Variants in GALNTL6 observed in about 807,000 individuals in gnomAD.
The protein encoded by GALNTL6 is polypeptide N-acetylgalactosaminyltransferase-like 6.
A neutral mutation model predicts 73.7 loss-of-function variants in GALNTL6; 46 were observed. The observed-to-expected ratio is 0.62, with a 90% CI of 0.49 to 0.80. GALNTL6 has a LOEUF of 0.80. GALNTL6 is among the 30% of genes least tolerant of loss of function. The pLI is 0.00. For missense variants in GALNTL6, 604 were observed against 755.0 expected, an observed-to-expected ratio of 0.80 and a Z score of 2.34; for synonymous variants, 259 against 263.7, an observed-to-expected ratio of 0.98 and a Z score of 0.17.
intron 5 of GALNTL6, among the ~76,000 whole-genome samples, chr4:172,714,766 A>T (rs1734959716): frequency 6.6e-6 from 1 of 152,062 alleles, no homozygotes; most frequent in African/African-American, 2.4e-5. Context: ...AATTGAGAGG[A>T]GTGTGGGGAA....
intron 2 of GALNTL6, among the ~76,000 whole-genome samples, chr4:172,012,458 G>T (rs1056320794): frequency 7.2e-5 from 11 of 152,062 alleles, no homozygotes; most frequent in Admixed American, 2.0e-4. Flanking sequence ...CTAATTTTCT[G>T]TGATGTTTTT....
intron 5 of GALNTL6, among the ~76,000 whole-genome samples, chr4:172,421,490 A>G (rs1018536305): frequency 1.3e-5 from 2 of 151,932 alleles, no homozygotes; most frequent in Non-Finnish European, 2.9e-5. Flanking sequence ...CTAAGAGAGA[A>G]AAATAAGGGA....
intron 5 of GALNTL6, among the ~76,000 whole-genome samples, chr4:172,392,483 A>G (rs1743700165): frequency 6.7e-6 from 1 of 149,654 alleles, no homozygotes; most frequent in Admixed American, 6.6e-5. Flanking sequence ...TTTTTAATAT[A>G]GAGCAGTCTC....
intron 5 of GALNTL6, among the ~76,000 whole-genome samples, chr4:172,808,962 C>T (rs1038215164): frequency 6.6e-6 from 1 of 152,182 alleles, no homozygotes; most frequent in African/African-American, 2.4e-5. Flanking sequence ...ACACAAAATA[C>T]TAGGCAAAGC....
intron 2 of GALNTL6, among the ~76,000 whole-genome samples, chr4:171,907,994 TCAAGATG>T (rs1214506210): frequency 6.6e-6 from 1 of 151,912 alleles, no homozygotes; most frequent in Non-Finnish European, 1.5e-5. Flanking sequence ...AAAAATTAAT[TCAAGATG>T]GATTAAAGAC....
chr4:171,988,624 G>T (rs964209821), intron 2 of GALNTL6, among the ~76,000 whole-genome samples: 1 of 152,204 alleles, frequency 6.6e-6, no homozygotes, highest in Non-Finnish European at 1.5e-5. Context: ...ATAAGGCACA[G>T]ATTCTGAACT....
chr4:172,100,283 C>A (rs886657721), intron 2 of GALNTL6, among the ~76,000 whole-genome samples: 1 of 151,862 alleles, frequency 6.6e-6, no homozygotes. Context: ...CATAGCTGGC[C>A]CTTAATGATA....
intron 8 of GALNTL6, among the ~76,000 whole-genome samples, chr4:172,924,505 T>A (rs1387344624): frequency 1.3e-5 from 2 of 152,104 alleles, no homozygotes; most frequent in Admixed American, 6.6e-5. Context: ...AGTGAGAGCA[T>A]GAAACAGGGA....
chr4:172,361,327 T>G (rs996516615), intron 5 of GALNTL6, among the ~76,000 whole-genome samples: 1 of 152,122 alleles, frequency 6.6e-6, no homozygotes, highest in African/African-American at 2.4e-5. Context: ...TGAGAGAAAT[T>G]ACAAGTCATC....
chr4:172,591,217 C>G (rs1737624635), intron 5 of GALNTL6, among the ~76,000 whole-genome samples: 1 of 152,190 alleles, frequency 6.6e-6, no homozygotes, highest in Admixed American at 6.5e-5. Flanking sequence ...TAATTCTTCT[C>G]AGTTCATGAC....
intron 5 of GALNTL6, among the ~76,000 whole-genome samples, chr4:172,415,741 C>T (rs11132943): frequency 0.24 from 35,836 of 151,850 alleles, 4,669 homozygotes; most frequent in East Asian, 0.36. Flanking sequence ...GCTTGCAACT[C>T]TAAGGGGGGT....
intron 5 of GALNTL6, among the ~76,000 whole-genome samples, chr4:172,796,320 T>G (rs1740260893): frequency 6.6e-6 from 1 of 152,172 alleles, no homozygotes; most frequent in African/African-American, 2.4e-5. Context: ...AGGCACTGTT[T>G]TGCTGTGTGG....
chr4:172,577,130 C>T (rs1447850432), intron 5 of GALNTL6, among the ~76,000 whole-genome samples: 2 of 152,140 alleles, frequency 1.3e-5, no homozygotes, highest in East Asian at 1.9e-4. Context: ...GCTGGGCAGT[C>T]GGGATAAATG....
intron 2 of GALNTL6, among the ~76,000 whole-genome samples, chr4:171,896,572 A>G (rs1358282397): frequency 1.3e-5 from 2 of 152,218 alleles, no homozygotes; most frequent in South Asian, 2.1e-4. Context: ...GTAAAAGCCA[A>G]CTTTCCAATT....
At chr4:171,932,197 T>C (rs949446241) in intron 2 of GALNTL6, among the ~76,000 whole-genome samples, 1 of 152,148 alleles carries the variant, frequency 6.6e-6, no homozygotes, top group Non-Finnish European at 1.5e-5. Flanking sequence ...ATAGCATAAA[T>C]AGCATACACT....
intron 7 of GALNTL6, among the ~76,000 whole-genome samples, chr4:172,852,876 C>A (rs1366253597): frequency 6.6e-6 from 1 of 151,896 alleles, no homozygotes; most frequent in Non-Finnish European, 1.5e-5. Context: ...TTATGATAAA[C>A]CATGATTTAA....
At chr4:171,854,761 AAGAG>A (rs1162680380) in intron 2 of GALNTL6, among the ~76,000 whole-genome samples, 1 of 152,212 alleles carries the variant, frequency 6.6e-6, no homozygotes, top group African/African-American at 2.4e-5. Flanking sequence ...GGAGGGAACA[AAGAG>A]GCTCTCTGGA....
intron 2 of GALNTL6, among the ~76,000 whole-genome samples, chr4:171,941,009 T>C (rs1353911797): frequency 1.3e-5 from 2 of 151,734 alleles, no homozygotes; most frequent in Non-Finnish European, 2.9e-5. Flanking sequence ...ATAAAAAAAT[T>C]TAAAAGTCAG....
At chr4:172,158,796 T>C (rs563574165) in intron 2 of GALNTL6, among the ~76,000 whole-genome samples, 2 of 152,338 alleles carry the variant, frequency 1.3e-5, no homozygotes, top group South Asian at 4.1e-4. Context: ...TGGAAGTTTT[T>C]TTCTGTGCAA....
Sources: allele counts gnomAD v4.1 joint callset (sites outside exome capture counted in the v4.1 genomes callset), GRCh38; gene constraint gnomAD v4.1.1; transcripts MANE v1.5; gene names NCBI Gene and HGNC (gene_info 2026-07-23, HGNC 2026-07-21).